ZDHHC14: variants seen among roughly 807,000 people sequenced by gnomAD.
ZDHHC14 encodes the protein zDHHC palmitoyltransferase 14.
In ZDHHC14, 16 loss-of-function variants were observed where a neutral mutation model predicts 47.7. The observed-to-expected ratio is 0.34, with a 90% CI of 0.23 to 0.51. ZDHHC14 has a LOEUF of 0.51. Among genes scored for constraint, ZDHHC14 ranks in the 20% least tolerant of loss-of-function variants. ZDHHC14 has a pLI of 0.97. For synonymous variants in ZDHHC14, 293 were observed against 278.9 expected (o/e 1.05, Z -0.50); for missense variants, 515 against 662.5 (o/e 0.78, Z 2.44).
intron 1 of ZDHHC14, among the ~76,000 whole-genome samples, chr6:157,394,263 A>G (rs1777478811): frequency 6.6e-6 from 1 of 152,136 alleles, no homozygotes; most frequent in African/African-American, 2.4e-5. Context: ...GTTCACAGTC[A>G]TTTCACGGAT....
intron 1 of ZDHHC14, among the ~76,000 whole-genome samples, chr6:157,512,445 G>A (rs1022048927): frequency 4.6e-5 from 7 of 152,226 alleles, no homozygotes; most frequent in African/African-American, 9.6e-5. Context: ...ACAGAGCCAC[G>A]TTCTGCACTG....
At chr6:157,551,343 G>C (rs975856935) in intron 2 of ZDHHC14, among the ~76,000 whole-genome samples, 4 of 152,170 alleles carry the variant, frequency 2.6e-5, no homozygotes, top group Admixed American at 2.6e-4. Flanking sequence ...AGTAAACTGA[G>C]GCTCAGAGAC....
At position 157,573,253 on chromosome 6, in the gene ZDHHC14, G is replaced by A. The variant is rs561269149; in HGVS notation, c.407-19735G>A. On this transcript the variant is annotated intron_variant, in intron 2 of 8. Coordinates refer to ENST00000359775, the MANE Select transcript of ZDHHC14 (RefSeq NM_024630.3). ...GGGACTCCTCTGCAAGTCAGAGCGC[G>A]GTCAGGGCTCTCCAACCCTTGCACC... 3.0e-4 allele frequency among the ~76,000 whole-genome samples: 46 copies of A among 152,232 alleles called. No individual in the cohort carries two copies. In the South Asian group the frequency reaches 6.6e-3, roughly 22 times the overall value.
At chr6:157,619,550 C>T (rs1448632080) in intron 3 of ZDHHC14, among the ~76,000 whole-genome samples, 1 of 152,190 alleles carries the variant, frequency 6.6e-6, no homozygotes, top group Non-Finnish European at 1.5e-5. Context: ...CAGGTGGTGG[C>T]AAGGCCAGGG....
intron 5 of ZDHHC14, among the ~76,000 whole-genome samples, chr6:157,645,251 C>G (rs1777463932): frequency 6.6e-6 from 1 of 152,130 alleles, no homozygotes; most frequent in Admixed American, 6.5e-5. Context: ...CCATTCTCCT[C>G]AGGGGAGACG....
intron 1 of ZDHHC14, among the ~76,000 whole-genome samples, chr6:157,515,088 GA>G (rs1479506376): frequency 2.6e-5 from 4 of 152,302 alleles, no homozygotes; most frequent in East Asian, 3.9e-4. Context: ...TGGGGAAGTT[GA>G]ATCTGTGGCT....
chr6:157,413,949 T>C (rs1391357255), intron 1 of ZDHHC14, among the ~76,000 whole-genome samples: 2 of 148,972 alleles, frequency 1.3e-5, no homozygotes, highest in Non-Finnish European at 3.0e-5. Context: ...TATTATTATT[T>C]GGCTTGAGAC....
At chr6:157,529,540 T>A (rs1320659681) in intron 1 of ZDHHC14, among the ~76,000 whole-genome samples, 8 of 152,212 alleles carry the variant, frequency 5.3e-5, no homozygotes, top group Admixed American at 5.2e-4. Flanking sequence ...GAAATGTTCT[T>A]GACCTTCAGT....
chr6:157,453,788 TTGTGTGTGTG>T (rs371025248), intron 1 of ZDHHC14, among the ~76,000 whole-genome samples: 1 of 148,196 alleles, frequency 6.7e-6, no homozygotes, highest in African/African-American at 2.5e-5. Context: ...TTTTTGTGTT[TTGTGTGTGTG>T]TGTGTGTGTG....
rs184927466 is a variant in ZDHHC14, at chr6:157,596,178, A to G, written c.565+3032A>G. Among the ~76,000 whole-genome samples, 466 of 152,338 alleles carry G rather than the reference A, an allele frequency of 3.1e-3. 2 individuals carry two copies. Among genetic ancestry groups the G allele is most frequent in the African/African-American group, 0.01 (435 of 41,580 alleles). On this transcript the variant is annotated intron_variant, in intron 3 of 8. Coordinates refer to ENST00000359775, the MANE Select transcript of ZDHHC14 (RefSeq NM_024630.3). ...CCTTTGGTTGACTGATGAGCAGGAC[A>G]GTAGTTTGGACATTCTGCATTCAGG...
chr6:157,408,441 T>C (rs1777811711), intron 1 of ZDHHC14, among the ~76,000 whole-genome samples: 1 of 152,202 alleles, frequency 6.6e-6, no homozygotes. Context: ...CTATTCTTCC[T>C]GATGCTCTCC....
At chr6:157,409,686 G>A (rs535118269) in intron 1 of ZDHHC14, among the ~76,000 whole-genome samples, 9 of 152,164 alleles carry the variant, frequency 5.9e-5, no homozygotes, top group Non-Finnish European at 1.3e-4. Context: ...ATTGCACCCA[G>A]CCCTGTCATT....
chr6:157,435,369 A>G (rs1778417892), intron 1 of ZDHHC14, among the ~76,000 whole-genome samples: 1 of 152,096 alleles, frequency 6.6e-6, no homozygotes, highest in Admixed American at 6.5e-5. Flanking sequence ...GAAGGGAGGG[A>G]AGGAGGGACT....
intron 5 of ZDHHC14, among the ~76,000 whole-genome samples, chr6:157,642,860 G>A (rs796421119): frequency 6.6e-6 from 1 of 152,338 alleles, no homozygotes; most frequent in African/African-American, 2.4e-5. Flanking sequence ...GTCTGAGAGT[G>A]GATGTGAAAG....
chr6:157,393,936 T>C (rs1777471177), intron 1 of ZDHHC14, among the ~76,000 whole-genome samples: 1 of 152,204 alleles, frequency 6.6e-6, no homozygotes, highest in African/African-American at 2.4e-5. Flanking sequence ...CATCTCTGTG[T>C]CTCTGTCCCC....
chr6:157,417,503 A>G (rs1397142376), intron 1 of ZDHHC14, among the ~76,000 whole-genome samples: 1 of 152,182 alleles, frequency 6.6e-6, no homozygotes, highest in African/African-American at 2.4e-5. Flanking sequence ...CTCAGCCAGG[A>G]TGGACTTTTG....
At chr6:157,550,287 A>G (rs1782168418) in intron 2 of ZDHHC14, among the ~76,000 whole-genome samples, 1 of 151,804 alleles carries the variant, frequency 6.6e-6, no homozygotes, top group Non-Finnish European at 1.5e-5. Context: ...ATCACAAGAC[A>G]CGCTAGAGAG....
rs1467620784 is a variant in ZDHHC14 at position 157,382,258 on chromosome 6, C to T, written c.237C>T (p.Phe79=). 21 of 1,610,558 alleles carry T rather than the reference C, an allele frequency of 1.3e-5. No individual in the cohort carries two copies. Among genetic ancestry groups the T allele is most frequent in the Non-Finnish European group, 1.7e-5 (20 of 1,178,480 alleles). The part of the protein sequence containing the change: ...VLILVTSGLF[F]AFDCPYLAVK... ...TCCTGGTCACTAGCGGACTCTTCTT[C>T]GCCTTCGAGTAAGTGGTGGCGACCG... Residue 79 remains phenylalanine (F), a synonymous_variant, in exon 1 of 9, where the codon TTC becomes TTT. Coordinates refer to ENST00000359775, the MANE Select transcript of ZDHHC14 (RefSeq NM_024630.3).
chr6:157,432,856 G>A (rs919645859), intron 1 of ZDHHC14, among the ~76,000 whole-genome samples: 39 of 152,222 alleles, frequency 2.6e-4, no homozygotes, highest in Non-Finnish European at 1.0e-4. Context: ...AAGTTGCCAG[G>A]TACTGTTGAC....
Sources: allele counts gnomAD v4.1 joint callset (sites outside exome capture counted in the v4.1 genomes callset), GRCh38; gene constraint gnomAD v4.1.1; transcripts MANE v1.5; gene names NCBI Gene and HGNC (gene_info 2026-07-23, HGNC 2026-07-21).